The following ABLIM1 variants were observed in gnomAD, a reference collection of about 807,000 sequenced individuals.
The protein encoded by ABLIM1 is actin binding LIM protein 1, also known as actin-binding LIM protein 1.
ABLIM1 carries 40 observed loss-of-function variants against 107.0 expected under a neutral mutation model. That is an observed-to-expected ratio of 0.37 (90% CI 0.29 to 0.49). The LOEUF is 0.49. Ranked by LOEUF, ABLIM1 falls within the 20% of genes least tolerant of loss-of-function variation. The pLI is 0.97. For synonymous variants in ABLIM1, 357 were observed against 357.3 expected (o/e 1.00, Z 0.01); for missense variants, 857 against 1,008.5 (o/e 0.85, Z 2.04).
chr10:114,561,214 G>A (rs1006123779), intron 4 of ABLIM1, among the ~76,000 whole-genome samples: 8 of 152,170 alleles, frequency 5.3e-5, no homozygotes, highest in African/African-American at 1.9e-4. Context: ...TCATACTTGA[G>A]TTCTACGTCA....
At chr10:114,695,047 C>A (rs1253376187) in intron 1 of ABLIM1, among the ~76,000 whole-genome samples, 1 of 152,156 alleles carries the variant, frequency 6.6e-6, no homozygotes, top group Non-Finnish European at 1.5e-5. Flanking sequence ...TTAGAGGAAG[C>A]CTGCTTGATG....
intron 2 of ABLIM1, among the ~76,000 whole-genome samples, chr10:114,590,498 T>C (rs927393293): frequency 6.6e-6 from 1 of 152,212 alleles, no homozygotes; most frequent in Non-Finnish European, 1.5e-5. Context: ...TTTTAAACTG[T>C]ATACATAGTA....
At chr10:114,523,972 T>C (rs953297642) in intron 6 of ABLIM1, among the ~76,000 whole-genome samples, 9 of 152,238 alleles carry the variant, frequency 5.9e-5, no homozygotes, top group Non-Finnish European at 1.3e-4. Flanking sequence ...ATGGTGTGTG[T>C]CACATTGGTA....
chr10:114,585,097 T>TA (rs1440402678), intron 2 of ABLIM1, among the ~76,000 whole-genome samples: 1 of 152,120 alleles, frequency 6.6e-6, no homozygotes, highest in Non-Finnish European at 1.5e-5. Flanking sequence ...TATCAGGCAT[T>TA]AGGGCTGAAA....
chr10:114,586,036 T>A (rs2074151551), intron 2 of ABLIM1, among the ~76,000 whole-genome samples: 1 of 152,180 alleles, frequency 6.6e-6, no homozygotes, highest in Admixed American at 6.5e-5. Context: ...CTGGACCCTG[T>A]GTCCAGAGCC....
intron 12 of ABLIM1, 83 bp downstream of exon 12, chr10:114,465,615 T>C (rs958660136): frequency 6.6e-7 from 1 of 1,514,810 alleles, no homozygotes; most frequent in Non-Finnish European, 8.9e-7. Flanking sequence ...CGTTGATTTT[T>C]CAATGTGCTA....
intron 4 of ABLIM1, among the ~76,000 whole-genome samples, chr10:114,563,618 T>C (rs1358864396): frequency 6.6e-6 from 1 of 151,934 alleles, no homozygotes; most frequent in Non-Finnish European, 1.5e-5. Flanking sequence ...GTCGATCATT[T>C]GAGGTCAGGA....
chr10:114,677,680 C>T (rs2080550601), intron 1 of ABLIM1, among the ~76,000 whole-genome samples: 1 of 152,164 alleles, frequency 6.6e-6, no homozygotes, highest in South Asian at 2.1e-4. Flanking sequence ...GAGGCTGAAG[C>T]AGGAGAACCA....
At chr10:114,647,516 T>G (rs2079062363) in intron 1 of ABLIM1, among the ~76,000 whole-genome samples, 1 of 152,174 alleles carries the variant, frequency 6.6e-6, no homozygotes. Flanking sequence ...CCCCAGAATA[T>G]TCTAGTGATG....
At chr10:114,800,955 C>G in the ABLIM1 span, among the ~76,000 whole-genome samples, 1 of 151,946 alleles carries the variant, frequency 6.6e-6, no homozygotes, top group East Asian at 1.9e-4. Context: ...AAAGAGAATC[C>G]ACATAAAACT....
intron 2 of ABLIM1, among the ~76,000 whole-genome samples, chr10:114,589,982 G>C (rs897190542): frequency 1.3e-5 from 2 of 152,042 alleles, no homozygotes; most frequent in Non-Finnish European, 2.9e-5. Flanking sequence ...AGCTCCATTC[G>C]TGGTAAGTGA....
chr10:114,747,098 T>C (rs1190252505), intron 1 of ABLIM1, among the ~76,000 whole-genome samples: 1 of 152,216 alleles, frequency 6.6e-6, no homozygotes, highest in Non-Finnish European at 1.5e-5. Flanking sequence ...CTTCATAGCA[T>C]ATCAAATGAT....
rs551494026 is a variant in ABLIM1, at chr10:114,580,763, C to T, written c.380-5164G>A. The stretch of plus-strand genomic sequence containing the variant: ...TAGCAAATACTCTTCACTGGTGGTA[C>T]AAAGCAAAACTTTCACATCTAAATG... On this transcript the variant is annotated intron_variant, in intron 2 of 22. Coordinates refer to ENST00000533213, the MANE Select transcript of ABLIM1 (RefSeq NM_002313.7). Among the ~76,000 whole-genome samples the T allele has an allele frequency of 3.2e-4, 49 of 152,190 alleles. No homozygotes were observed. In the South Asian group the frequency reaches 1.0e-2, roughly 31 times the overall value.
chr10:114,674,305 A>T (rs1011038184), intron 1 of ABLIM1, among the ~76,000 whole-genome samples: 7 of 151,934 alleles, frequency 4.6e-5, no homozygotes, highest in East Asian at 1.9e-4. Flanking sequence ...AAAAAAAAAA[A>T]AATTAATTAA....
intron 1 of ABLIM1, among the ~76,000 whole-genome samples, chr10:114,760,404 TCA>T (rs3981296): frequency 0.041 from 5,810 of 143,454 alleles, 113 homozygotes; most frequent in African/African-American, 0.057. Flanking sequence ...AATTTCTCCT[TCA>T]CACACACACA....
At chr10:114,652,324 G>A (rs1200245551) in intron 1 of ABLIM1, among the ~76,000 whole-genome samples, 1 of 152,154 alleles carries the variant, frequency 6.6e-6, no homozygotes, top group Non-Finnish European at 1.5e-5. Context: ...AGTGAATGGG[G>A]TAAGAAGGGC....
At chr10:114,774,623 GA>G in the ABLIM1 span, among the ~76,000 whole-genome samples, 1 of 152,096 alleles carries the variant, frequency 6.6e-6, no homozygotes, top group Non-Finnish European at 1.5e-5. Context: ...CTACAACTGA[GA>G]AAAAAGTTGG....
At chr10:114,697,552 A>G (rs1057194819) in intron 1 of ABLIM1, among the ~76,000 whole-genome samples, 1 of 152,262 alleles carries the variant, frequency 6.6e-6, no homozygotes, top group African/African-American at 2.4e-5. Context: ...TGAACCTGTC[A>G]GGAGGTGCTC....
At chr10:114,439,719 G>A (rs1294584662) in intron 20 of ABLIM1, 2 of 352,290 alleles carry the variant, frequency 5.7e-6, no homozygotes, top group Non-Finnish European at 1.0e-5. Context: ...CTTTTCATTT[G>A]AGAACGCGCA....
Sources: allele counts gnomAD v4.1 joint callset (sites outside exome capture counted in the v4.1 genomes callset), GRCh38; gene constraint gnomAD v4.1.1; transcripts MANE v1.5; gene names NCBI Gene and HGNC (gene_info 2026-07-23, HGNC 2026-07-21).